The following IL1RAPL2 variants were observed in gnomAD, a reference collection of about 807,000 sequenced individuals.
IL1RAPL2 encodes the protein X-linked interleukin-1 receptor accessory protein-like 2.
In IL1RAPL2, 3 loss-of-function variants were observed where a neutral mutation model predicts 44.1. The observed-to-expected ratio is 0.07, with a 90% CI of 0.03 to 0.18. IL1RAPL2 has a LOEUF of 0.18. Among genes scored for constraint, IL1RAPL2 ranks in the 10% least tolerant of loss-of-function variants. The pLI is 1.00. For missense variants in IL1RAPL2, 391 were observed against 496.4 expected (o/e 0.79, Z 2.02); for synonymous variants, 181 against 178.8 (o/e 1.01, Z -0.10).
intron 2 of IL1RAPL2, among the ~76,000 whole-genome samples, chrX:104,918,467 A>G (rs1428602921): frequency 8.9e-6 from 1 of 112,011 alleles, no homozygotes; most frequent in African/African-American, 3.2e-5. Context: ...TCTGGTTATG[A>G]TGGACCAATG....
intron 5 of IL1RAPL2, among the ~76,000 whole-genome samples, chrX:105,378,389 T>G (rs927667511): frequency 3.6e-5 from 4 of 111,958 alleles, no homozygotes; most frequent in African/African-American, 1.3e-4. Context: ...AGCTAGCAAT[T>G]TAAGGACTTA....
At chrX:105,466,275 A>G (rs1024527277) in intron 5 of IL1RAPL2, among the ~76,000 whole-genome samples, 1 of 110,603 alleles carries the variant, frequency 9.0e-6, no homozygotes, top group African/African-American at 3.3e-5. Flanking sequence ...TTGTTAAGAC[A>G]TATTCAGTCA....
intron 1 of IL1RAPL2, among the ~76,000 whole-genome samples, chrX:104,612,879 T>A (rs1275413900): frequency 2.7e-5 from 3 of 111,552 alleles, no homozygotes; most frequent in East Asian, 5.6e-4. Flanking sequence ...GTCCTAGAGA[T>A]CTTTCTCCTC....
chrX:104,913,341 G>A (rs1311162151), intron 2 of IL1RAPL2, among the ~76,000 whole-genome samples: 1 of 111,382 alleles, frequency 9.0e-6, no homozygotes, highest in Non-Finnish European at 1.9e-5. Flanking sequence ...TTCAGAATTG[G>A]GAGTAGGGAT....
At chrX:105,542,676 TTTATTTTTTA>T (rs1386947795) in intron 6 of IL1RAPL2, among the ~76,000 whole-genome samples, 2 of 102,839 alleles carry the variant, frequency 1.9e-5, no homozygotes, top group African/African-American at 7.5e-5. Flanking sequence ...CTCTTTTTTT[TTTATTTTTTA>T]TATTTTTTAT....
chrX:105,268,185 A>C (rs1321742257), intron 5 of IL1RAPL2, among the ~76,000 whole-genome samples: 1 of 111,004 alleles, frequency 9.0e-6, no homozygotes, highest in East Asian at 2.8e-4. Flanking sequence ...TATCCCTTAC[A>C]ATGAATGTGA....
intron 5 of IL1RAPL2, among the ~76,000 whole-genome samples, chrX:105,392,761 T>C (rs1191528684): frequency 8.9e-6 from 1 of 112,275 alleles, no homozygotes; most frequent in Non-Finnish European, 1.9e-5. Context: ...AAATTTAGTA[T>C]TCTCACTGGT....
At chrX:104,859,761 T>C (rs1042980347) in intron 2 of IL1RAPL2, among the ~76,000 whole-genome samples, 1 of 112,426 alleles carries the variant, frequency 8.9e-6, no homozygotes, top group Non-Finnish European at 1.9e-5. Context: ...TCCTATTACT[T>C]GCCTGTTTGG....
At chrX:104,582,672 C>CTT (rs1928402214) in intron 1 of IL1RAPL2, among the ~76,000 whole-genome samples, 1 of 45,612 alleles carries the variant, frequency 2.2e-5, no homozygotes, top group African/African-American at 7.6e-5. Flanking sequence ...TTTCTTTTTT[C>CTT]TTTCTCTTTC....
intron 2 of IL1RAPL2, among the ~76,000 whole-genome samples, chrX:105,179,584 A>G (rs2033508484): frequency 8.9e-6 from 1 of 111,934 alleles, no homozygotes; most frequent in Non-Finnish European, 1.9e-5. Context: ...TTTGGGCAAT[A>G]TGTTTATTTT....
chrX:104,831,127 C>G (rs1921593307), intron 2 of IL1RAPL2, among the ~76,000 whole-genome samples: 1 of 111,534 alleles, frequency 9.0e-6, no homozygotes, highest in Non-Finnish European at 1.9e-5. Context: ...AATTATTAAA[C>G]AATAACTATG....
intron 2 of IL1RAPL2, among the ~76,000 whole-genome samples, chrX:105,098,924 G>A (rs890761806): frequency 8.9e-6 from 1 of 112,382 alleles, no homozygotes; most frequent in African/African-American, 3.2e-5. Flanking sequence ...TGATAAATCA[G>A]AGTGAGATCG....
At chrX:105,016,864 G>A (rs769776220) in intron 2 of IL1RAPL2, among the ~76,000 whole-genome samples, 1 of 111,366 alleles carries the variant, frequency 9.0e-6, no homozygotes, top group South Asian at 3.7e-4. Context: ...TCTTTCTGTT[G>A]TTTGGAATAG....
chrX:105,700,516 T>C (rs1356033642), intron 6 of IL1RAPL2, among the ~76,000 whole-genome samples: 1 of 111,499 alleles, frequency 9.0e-6, no homozygotes, highest in African/African-American at 3.3e-5. Flanking sequence ...GCAATGGGGG[T>C]TGAAATTCTT....
intron 6 of IL1RAPL2, among the ~76,000 whole-genome samples, chrX:105,570,780 G>A (rs1167238142): frequency 2.7e-5 from 3 of 111,603 alleles, no homozygotes; most frequent in Non-Finnish European, 5.7e-5. Flanking sequence ...CATCAGAAAG[G>A]AAGATATTTG....
chrX:105,467,720 A>G (rs997575442), intron 5 of IL1RAPL2, among the ~76,000 whole-genome samples: 1 of 111,569 alleles, frequency 9.0e-6, no homozygotes, highest in African/African-American at 3.3e-5. Context: ...TAAAGTCTGT[A>G]CTCTATGGAA....
chrX:105,541,724 C>T (rs1232768665), intron 6 of IL1RAPL2, among the ~76,000 whole-genome samples: 3 of 111,032 alleles, frequency 2.7e-5, no homozygotes, highest in Non-Finnish European at 5.7e-5. Flanking sequence ...ATTAAACAAC[C>T]TCCTAATTAG....
chrX:104,730,166 T>G (rs1282375275), intron 2 of IL1RAPL2, among the ~76,000 whole-genome samples: 1 of 111,329 alleles, frequency 9.0e-6, no homozygotes, highest in Non-Finnish European at 1.9e-5. Context: ...CTAGGAAACG[T>G]TGAAATATTC....
At chrX:105,479,053 T>G (rs976379690) in intron 5 of IL1RAPL2, among the ~76,000 whole-genome samples, 3 of 111,566 alleles carry the variant, frequency 2.7e-5, no homozygotes, top group Non-Finnish European at 5.6e-5. Context: ...AAGATTAGCT[T>G]GGACTGTTAT....
Sources: gnomAD v4.1 joint callset for allele counts (sites outside exome capture counted in the v4.1 genomes callset) on GRCh38, gnomAD v4.1.1 for gene constraint, MANE v1.5 for transcripts, NCBI Gene and HGNC (gene_info 2026-07-23, HGNC 2026-07-21) for gene names.